Variants in CAMK2D observed in about 807,000 individuals in gnomAD.
The protein encoded by CAMK2D is calcium/calmodulin dependent protein kinase II delta, also known as calcium/calmodulin-dependent protein kinase type II subunit delta.
CAMK2D carries 37 observed loss-of-function variants against 84.0 expected under a neutral mutation model. The observed-to-expected ratio is 0.44, with a 90% CI of 0.34 to 0.58. The LOEUF is 0.58. Among genes scored for constraint, CAMK2D ranks in the 20% least tolerant of loss-of-function variants. The pLI is 0.02. For synonymous variants in CAMK2D, 202 were observed against 212.5 expected (o/e 0.95, Z 0.43); for missense variants, 448 against 652.5 (o/e 0.69, Z 3.41).
intron 4 of CAMK2D, among the ~76,000 whole-genome samples, chr4:113,583,622 T>C (rs2154244321): frequency 6.6e-6 from 1 of 152,164 alleles, no homozygotes; most frequent in South Asian, 2.1e-4. Flanking sequence ...AGCAGGAAAA[T>C]TTAGCTGATA....
intron 2 of CAMK2D, among the ~76,000 whole-genome samples, chr4:113,740,088 T>A (rs145242379): frequency 1.1e-4 from 17 of 152,302 alleles, no homozygotes; most frequent in Non-Finnish European, 1.9e-4. Flanking sequence ...TAGAGTACTA[T>A]CTCATAAAAT....
At chr4:113,661,804 A>T in intron 2 of CAMK2D, 32 bp from the exon 3 acceptor site, 1 of 1,124,722 alleles carries the variant, frequency 8.9e-7, no homozygotes, top group Non-Finnish European at 1.3e-6. Flanking sequence ...TAAGGCAAAA[A>T]TAAAGCAAAA....
intron 3 of CAMK2D, among the ~76,000 whole-genome samples, chr4:113,649,192 C>T (rs1335389475): frequency 1.3e-5 from 2 of 152,182 alleles, no homozygotes; most frequent in Non-Finnish European, 2.9e-5. Flanking sequence ...TACATTCACT[C>T]CAGAGACTTT....
Position 113,451,562 on chromosome 4 carries a change from G to A in CAMK2D, c.*2983C>T, listed in dbSNP as rs1438780051. On this transcript the variant is annotated 3_prime_UTR_variant, in exon 21 of 21. Transcript: ENST00000511664. The stretch of plus-strand genomic sequence containing the variant: ...GCTCAGAGCATCAAGACAGTGGTGA[G>A]AGAACCCATCATTAAAACAAGGACT... 3 of 152,172 alleles carry A rather than the reference G, an allele frequency of 2.0e-5. No individual in the cohort carries two copies. Among genetic ancestry groups the A allele is most frequent in the Non-Finnish European group, 2.9e-5 (2 of 68,030 alleles). 9.4% of individuals were successfully genotyped at this position (152,172 alleles called of 1,614,324 possible). A position where few individuals can be genotyped will look rare whatever the true frequency, so the allele number is the denominator to read the frequency against.
intron 4 of CAMK2D, among the ~76,000 whole-genome samples, chr4:113,568,287 T>G (rs2098735300): frequency 1.3e-5 from 2 of 152,204 alleles, no homozygotes; most frequent in South Asian, 2.1e-4. Flanking sequence ...CCCTATGAAT[T>G]TGCCTATTCT....
intron 5 of CAMK2D, among the ~76,000 whole-genome samples, chr4:113,551,246 GT>G (rs2098626774): frequency 6.6e-6 from 1 of 152,100 alleles, no homozygotes; most frequent in Non-Finnish European, 1.5e-5. Flanking sequence ...CACTCCAAAA[GT>G]GTTGCCTTGG....
At chr4:113,639,297 A>C (rs972242979) in intron 3 of CAMK2D, among the ~76,000 whole-genome samples, 1 of 152,126 alleles carries the variant, frequency 6.6e-6, no homozygotes, top group African/African-American at 2.4e-5. Flanking sequence ...TAAATTGTGA[A>C]AGCAGTGGAT....
intron 3 of CAMK2D, among the ~76,000 whole-genome samples, chr4:113,626,562 G>C (rs1448649659): frequency 6.6e-6 from 1 of 152,136 alleles, no homozygotes; most frequent in Non-Finnish European, 1.5e-5. Context: ...TTTACCATGT[G>C]GGACAATAGG....
chr4:113,701,019 T>A (rs2154348074), intron 2 of CAMK2D, among the ~76,000 whole-genome samples: 1 of 149,986 alleles, frequency 6.7e-6, no homozygotes, highest in Admixed American at 6.6e-5. Flanking sequence ...TGATGATGCA[T>A]GAAATCAGGC....
intron 2 of CAMK2D, among the ~76,000 whole-genome samples, chr4:113,753,582 T>C (rs774697791): frequency 9.9e-5 from 15 of 151,974 alleles, no homozygotes; most frequent in Non-Finnish European, 2.1e-4. Flanking sequence ...TCCTTAAGTA[T>C]TGCTAAATCT....
intron 3 of CAMK2D, among the ~76,000 whole-genome samples, chr4:113,629,445 T>C (rs1456537490): frequency 4.6e-5 from 7 of 152,086 alleles, no homozygotes; most frequent in Non-Finnish European, 1.0e-4. Context: ...TTTCAGTAAA[T>C]ATTACATTCC....
chr4:113,508,366 A>G (rs1269710477), intron 13 of CAMK2D: 5 of 860,054 alleles, frequency 5.8e-6, no homozygotes, highest in Non-Finnish European at 7.6e-6. Context: ...TTTGTTTTTA[A>G]AGAGGAGCTA....
intron 2 of CAMK2D, among the ~76,000 whole-genome samples, chr4:113,691,210 C>T (rs1359893808): frequency 6.6e-6 from 1 of 152,172 alleles, no homozygotes; most frequent in Non-Finnish European, 1.5e-5. Flanking sequence ...AACACTTTGG[C>T]TGAAAATCTA....
chr4:113,705,762 T>G (rs2099449859), intron 2 of CAMK2D, among the ~76,000 whole-genome samples: 1 of 152,214 alleles, frequency 6.6e-6, no homozygotes, highest in Non-Finnish European at 1.5e-5. Flanking sequence ...GAATGAAATT[T>G]AATGGGAAGA....
At chr4:113,669,077 CAG>C (rs2099269279) in intron 2 of CAMK2D, among the ~76,000 whole-genome samples, 2 of 151,942 alleles carry the variant, frequency 1.3e-5, no homozygotes, top group South Asian at 2.1e-4. Context: ...GGCATCTATT[CAG>C]AGATATAACA....
intron 3 of CAMK2D, among the ~76,000 whole-genome samples, chr4:113,657,597 A>G (rs957047722): frequency 6.6e-6 from 1 of 152,202 alleles, no homozygotes; most frequent in African/African-American, 2.4e-5. Context: ...TCTTTATACA[A>G]TGTTGTATTT....
intron 3 of CAMK2D, among the ~76,000 whole-genome samples, chr4:113,636,382 G>A (rs149509909): frequency 1.2e-3 from 185 of 152,278 alleles, no homozygotes; most frequent in African/African-American, 4.3e-3. Context: ...AGGTCTTCCA[G>A]CCTCTGCTTT....
intron 4 of CAMK2D, among the ~76,000 whole-genome samples, chr4:113,604,256 A>G (rs1057458304): frequency 2.0e-5 from 3 of 152,186 alleles, no homozygotes; most frequent in Admixed American, 6.5e-5. Context: ...TCTTTAAGAT[A>G]TCAATGTATA....
chr4:113,733,314 G>A (rs139458453), intron 2 of CAMK2D, among the ~76,000 whole-genome samples: 2 of 152,184 alleles, frequency 1.3e-5, no homozygotes, highest in Admixed American at 6.5e-5. Context: ...TTGGTCCTCA[G>A]TGTCTTTTCT....
Sources: allele counts gnomAD v4.1 joint callset (sites outside exome capture counted in the v4.1 genomes callset), GRCh38; gene constraint gnomAD v4.1.1; transcripts MANE v1.5; gene names NCBI Gene and HGNC (gene_info 2026-07-23, HGNC 2026-07-21).